The following DENND3 variants were observed in gnomAD, a reference collection of about 807,000 sequenced individuals.
The protein encoded by DENND3 is DENN domain-containing protein 3.
DENND3 carries 88 observed loss-of-function variants against 135.1 expected under a neutral mutation model. The observed-to-expected ratio is 0.65, with a 90% confidence interval of 0.55 to 0.78. DENND3 has a LOEUF of 0.78. DENND3 is among the 30% of genes least tolerant of loss of function. DENND3 has a pLI of 0.00. For missense variants in DENND3, 1,392 were observed against 1,688.4 expected, an observed-to-expected ratio of 0.82 and a Z score of 3.08; for synonymous variants, 693 against 712.3, an observed-to-expected ratio of 0.97 and a Z score of 0.43.
rs765997239 is a variant in DENND3 at position 141,182,553 on chromosome 8, C to T, written c.2944+1699C>T. 4.2e-6 allele frequency: 4 copies of T among 944,492 alleles called. No individual in the cohort carries two copies. Among genetic ancestry groups the T allele is most frequent in the Non-Finnish European group, 5.0e-6 (4 of 792,994 alleles). 58.5% of individuals were successfully genotyped at this position (944,492 alleles called of 1,614,324 possible). A position where few individuals can be genotyped will look rare whatever the true frequency, so the allele number is the denominator to read the frequency against. On this transcript the variant is annotated intron_variant, in intron 17 of 22. Coordinates refer to ENST00000519811, the MANE Select transcript of DENND3 (RefSeq NM_001352890.3). The surrounding 1 kb of genome is among the most constrained non-coding windows in gnomAD (Gnocchi z 5.9). Reference sequence around the variant, plus strand: ...ACTCTGAGCTTCCTGTTGTGACGGGCGAGGAGTTCAGGCGGCTTCCCCTCC... The same window carrying T: ...ACTCTGAGCTTCCTGTTGTGACGGGTGAGGAGTTCAGGCGGCTTCCCCTCC...
At chr8:141,172,403 T>C (rs307735) in intron 13 of DENND3, among the ~76,000 whole-genome samples, 21,558 of 152,068 alleles carry the variant, frequency 0.14, 2,080 homozygotes, top group African/African-American at 0.27. Context: ...GTGTTGCTGC[T>C]CCTCCCTTGG....
In DENND3 at chr8:141,157,697, C is replaced by G; in HGVS notation, c.1196+1727C>G. ...TGGCTTTTCTGATTTCTGACTCTTA[C>G]CTTGGTGTGGATTATTCCTTCTACC... On this transcript the variant is annotated intron_variant, in intron 8 of 22. Transcript: ENST00000519811. 3.0e-6 allele frequency: 3 copies of G among 985,764 alleles called. No individual in the cohort carries two copies. The South Asian group carries it at 1.4e-4, about 46-fold the overall frequency. The allele number at this position is 985,764 out of a possible 1,614,324, so 61.1% of individuals were successfully genotyped here.
chr8:141,162,983 C>T (rs986253120), intron 9 of DENND3, among the ~76,000 whole-genome samples: 8 of 152,220 alleles, frequency 5.3e-5, no homozygotes, highest in African/African-American at 1.9e-4. Context: ...CCGAGCTGGT[C>T]AGCACTTGGA....
chr8:141,165,043 A>G (rs1300714073), intron 10 of DENND3, 143 bp from the exon 11 acceptor site: 2 of 631,556 alleles, frequency 3.2e-6, no homozygotes, highest in East Asian at 5.4e-5. Context: ...AAGAGCAGAA[A>G]ACCCTCGAGT....
At position 141,175,211 on chromosome 8, in the gene DENND3, C is replaced by T; in HGVS notation, c.2287C>T (p.Gln763Ter). 6.2e-7 allele frequency: 1 copy of T among 1,613,328 alleles called. No homozygotes were observed. Among genetic ancestry groups the T allele is most frequent in the Non-Finnish European group, 8.5e-7 (1 of 1,179,522 alleles). Residue 763 changes from glutamine to a stop codon, truncating the protein, a stop_gained, in exon 14 of 23, where the codon CAA (glutamine) becomes TAA (stop). Coordinates refer to ENST00000519811, the MANE Select transcript of DENND3 (RefSeq NM_001352890.3). LOFTEE classifies it high-confidence loss of function. This position sits in a 1 kb window ranked among gnomAD's most constrained non-coding sequence, Gnocchi z 5.4. The part of the protein sequence containing the change: ...FEALTVGQEK[Q>*]IDPETFKDFY... ...CTTATCAAACTAAGGACAGGAGAAA[C>T]AAATCGACCCAGAAACATTCAAAGA...
intron 8 of DENND3, among the ~76,000 whole-genome samples, chr8:141,159,383 C>T (rs1027944923): frequency 9.9e-5 from 15 of 152,198 alleles, no homozygotes; most frequent in Non-Finnish European, 2.1e-4. Context: ...CCATGCTGGG[C>T]CGCACTGGGT....
chr8:141,189,044 T>G lies in DENND3; in HGVS notation c.3143T>G (p.Ile1048Ser). The change falls in exon 19 of 23, where the codon ATC becomes AGC. Residue 1048 changes from isoleucine (I) to serine (S), a missense_variant. Coordinates refer to ENST00000519811, the MANE Select transcript of DENND3 (RefSeq NM_001352890.3). Reference sequence around the variant, plus strand: ...TGGGTTGGCTCGGAAGACTCCGTCATCTACATCATCAACGTCCACAGCATG... The same window carrying G: ...TGGGTTGGCTCGGAAGACTCCGTCAGCTACATCATCAACGTCCACAGCATG... ...QVWVGSEDSV[I>S]YIINVHSMSC... 1 of 1,614,212 alleles carries G rather than the reference T, an allele frequency of 6.2e-7. No individual in the cohort carries two copies. Among genetic ancestry groups the G allele is most frequent in the Non-Finnish European group, 8.5e-7 (1 of 1,180,032 alleles).
At position 141,182,763 on chromosome 8, in the gene DENND3, G is replaced by A. The variant is rs1195706464; in HGVS notation, c.2944+1909G>A. 1.3e-5 allele frequency among the ~76,000 whole-genome samples: 2 copies of A among 152,198 alleles called. No homozygotes were observed. The highest frequency in any genetic ancestry group is 2.9e-5 in the Non-Finnish European group (2 of 68,034). ...GGTCAGGCCCCATCAAGAAGGGGGA[G>A]TCTTGTTATTCCCATTAGCTTGGGG... On this transcript the variant is annotated intron_variant, in intron 17 of 22. Transcript: ENST00000519811. This position sits in a 1 kb window ranked among gnomAD's most constrained non-coding sequence, Gnocchi z 5.9.
At chr8:141,189,614 G>A (rs548976211) in intron 19 of DENND3, among the ~76,000 whole-genome samples, 1 of 148,718 alleles carries the variant, frequency 6.7e-6, no homozygotes, top group South Asian at 2.1e-4. Flanking sequence ...TTGAGCAGAG[G>A]CTCATGGTGG....
chr8:141,138,008 C>T lies in DENND3; in HGVS notation c.386-14C>T. 1 of 1,580,612 alleles carries T rather than the reference C, an allele frequency of 6.3e-7. No homozygotes were observed. The highest frequency in any genetic ancestry group is 8.6e-7 in the Non-Finnish European group (1 of 1,161,604). On this transcript the variant is annotated splice_polypyrimidine_tract_variant and intron_variant, in intron 2 of 22. Coordinates refer to ENST00000519811, the MANE Select transcript of DENND3 (RefSeq NM_001352890.3). The surrounding 1 kb of genome is among the most constrained non-coding windows in gnomAD (Gnocchi z 4.8). ...GCAAGAACAGGATTCTTCTCTGTCT[C>T]TTTCTGCCTGCAGGGGGTGTGTGCG...
chr8:141,134,850 T>C (rs1389485324), intron 1 of DENND3, among the ~76,000 whole-genome samples: 1 of 152,064 alleles, frequency 6.6e-6, no homozygotes, highest in Non-Finnish European at 1.5e-5. Flanking sequence ...CCTTTCTTCC[T>C]TACGGAGTCT....
intron 1 of DENND3, among the ~76,000 whole-genome samples, chr8:141,132,645 C>T (rs2154612645): frequency 6.6e-6 from 1 of 152,340 alleles, no homozygotes; most frequent in African/African-American, 2.4e-5. Flanking sequence ...GCGTGAGCCA[C>T]TGTGCCTGGC....
intron 7 of DENND3, among the ~76,000 whole-genome samples, chr8:141,152,446 G>A (rs1320436974): frequency 6.6e-6 from 1 of 152,142 alleles, no homozygotes; most frequent in Non-Finnish European, 1.5e-5. Context: ...TGGGTTTGCC[G>A]GTTCTGGACC....
chr8:141,167,910 A>G lies in DENND3; in HGVS notation c.1754-94A>G. ...CATTCTCATTTTATTTTGCATCCAG[A>G]GAAACATTGTCCTTGACAAGATGAT... On this transcript the variant is annotated intron_variant, in intron 12 of 22. Transcript: ENST00000519811. The surrounding 1 kb of genome is among the most constrained non-coding windows in gnomAD (Gnocchi z 4.1). 1 of 1,494,024 alleles carries G rather than the reference A, an allele frequency of 6.7e-7. No individual in the cohort carries two copies. The highest frequency in any genetic ancestry group is 2.0e-5 in the Admixed American group (1 of 48,858). The allele number at this position is 1,494,024 out of a possible 1,614,324, so 92.5% of individuals were successfully genotyped here. A position where few individuals can be genotyped will look rare whatever the true frequency, so the allele number is the denominator to read the frequency against.
At chr8:141,193,945 C>T (rs1474370246) in intron 22 of DENND3, 88 bp from the exon 23 acceptor site, 13 of 1,399,674 alleles carry the variant, frequency 9.3e-6, no homozygotes, top group East Asian at 4.7e-5. Context: ...TGGAGGCACA[C>T]GCGTCAATTC....
Position 141,190,154 on chromosome 8 carries a change from T to C in DENND3, c.3246-130T>C, listed in dbSNP as rs1824524633. 3 of 1,232,110 alleles carry C rather than the reference T, an allele frequency of 2.4e-6. No individual in the cohort carries two copies. In the South Asian group the frequency reaches 6.5e-5, roughly 27 times the overall value. 76.3% of individuals were successfully genotyped at this position (1,232,110 alleles called of 1,614,324 possible). A position where few individuals can be genotyped will look rare whatever the true frequency, so the allele number is the denominator to read the frequency against. ...AGGTTATTATGTTTGCATGTTATTA[T>C]CATGTTTGCAGGTTATCCGTGTTGA... On this transcript the variant is annotated intron_variant, in intron 19 of 22. Coordinates refer to ENST00000519811, the MANE Select transcript of DENND3 (RefSeq NM_001352890.3).
At chr8:141,169,787 T>G (rs925545998) in intron 13 of DENND3, among the ~76,000 whole-genome samples, 2 of 152,198 alleles carry the variant, frequency 1.3e-5, no homozygotes, top group Non-Finnish European at 2.9e-5. Context: ...CACGTGCTGT[T>G]TTACTCATGG....
At chr8:141,133,318 G>C (rs1024359835) in intron 1 of DENND3, among the ~76,000 whole-genome samples, 3 of 147,818 alleles carry the variant, frequency 2.0e-5, no homozygotes, top group African/African-American at 7.8e-5. Context: ...GCACTGTCCT[G>C]ACTCATGCCC....
intron 4 of DENND3, chr8:141,142,134 C>T (rs983469779): frequency 3.6e-5 from 11 of 307,274 alleles, no homozygotes; most frequent in East Asian, 1.1e-4. Flanking sequence ...AGAAAGACAT[C>T]GTATAGAACC....
Sources: gnomAD v4.1 joint callset for allele counts (sites outside exome capture counted in the v4.1 genomes callset) on GRCh38, gnomAD v4.1.1 for gene constraint, Gnocchi (gnomAD v3.1) non-coding constraint, MANE v1.5 for transcripts, NCBI Gene and HGNC (gene_info 2026-07-23, HGNC 2026-07-21) for gene names.